CAD: variants seen among roughly 807,000 people sequenced by gnomAD.
CAD encodes the protein multifunctional protein CAD.
Under a neutral mutation model 237.2 loss-of-function variants are expected in CAD, and 81 were observed. The ratio of observed to expected loss-of-function variants is 0.34; its 90% confidence interval spans 0.29 to 0.41. CAD has a LOEUF of 0.41. Ranked by LOEUF, CAD falls within the 10% of genes least tolerant of loss-of-function variation. The probability of loss-of-function intolerance (pLI) is 1.00; values close to 1 mark genes in which losing one functional copy is unlikely to be tolerated. For missense variants in CAD, 2,181 were observed against 2,951.7 expected (o/e 0.74, Z 6.05); for synonymous variants, 1,196 against 1,162.8 (o/e 1.03, Z -0.58).
chr2:27,232,018 G>A lies in CAD; in HGVS notation c.2439G>A (p.Val813=). The change falls in exon 17 of 44, where the codon GTG becomes GTA. Residue 813 remains valine, a synonymous_variant. Coordinates refer to ENST00000264705, the MANE Select transcript of CAD (RefSeq NM_004341.5). The surrounding 1 kb of genome is among the most constrained non-coding windows in gnomAD (Gnocchi z 4.1). ...CAACAGATAAGCGGATTTTTGTGGT[G>A]GCAGCTGCTTTGTGGGCTGGTTATT... The part of the protein sequence containing the change: ...ETPTDKRIFV[V]AAALWAGYSV... 1 of 1,614,220 alleles carries A rather than the reference G, an allele frequency of 6.2e-7. No individual in the cohort carries two copies. The highest frequency in any genetic ancestry group is 8.5e-7 in the Non-Finnish European group (1 of 1,180,042).
At chr2:27,223,240 G>A (rs1675266191) in intron 6 of CAD, among the ~76,000 whole-genome samples, 2 of 152,136 alleles carry the variant, frequency 1.3e-5, no homozygotes, top group African/African-American at 4.8e-5. Flanking sequence ...AGACCAGCCT[G>A]GCCAACATGG....
At chr2:27,238,724 C>T in intron 31 of CAD, 92 bp downstream of exon 31, 7 of 1,210,656 alleles carry the variant, frequency 5.8e-6, no homozygotes, top group Non-Finnish European at 7.0e-6. Context: ...CCTCAGGACT[C>T]TACTAGGACA....
At chr2:27,231,858 G>C (rs898255940) in intron 16 of CAD, 122 bp from the exon 17 acceptor site, 2 of 1,174,478 alleles carry the variant, frequency 1.7e-6, no homozygotes, top group African/African-American at 3.0e-5. Flanking sequence ...CCAGGTTTTT[G>C]CAGTTACACA....
In CAD at chr2:27,241,466, G is replaced by A. The variant is rs1356713828; in HGVS notation, c.5883+70G>A. 9 of 1,462,226 alleles carry A rather than the reference G, an allele frequency of 6.2e-6. No homozygotes were observed. The highest frequency in any genetic ancestry group is 1.9e-4 in the Middle Eastern group (1 of 5,218). 90.6% of individuals were successfully genotyped at this position (1,462,226 alleles called of 1,614,324 possible). On this transcript the variant is annotated intron_variant, in intron 38 of 43. Coordinates refer to ENST00000264705, the MANE Select transcript of CAD (RefSeq NM_004341.5). This position sits in a 1 kb window ranked among gnomAD's most constrained non-coding sequence, Gnocchi z 4.6. ...TTGGGCCGCATCAGCGCAGGGCCGC[G>A]CAGTGGTCAGAGTGGGTCTTCCTCC...
Position 27,223,761 on chromosome 2 carries a change from G to C in CAD, c.995+13G>C, listed in dbSNP as rs372400770. 8.2e-5 allele frequency: 132 copies of C among 1,612,754 alleles called. No homozygotes were observed. The highest frequency in any genetic ancestry group is 1.1e-4 in the Non-Finnish European group (124 of 1,178,982). ...TGCCTTTCTTCAGGTGAGCCTGGTTGACTGGGTCTGTGAAAATTTGAAGCC... is the reference window on the plus strand; with the variant it reads ...TGCCTTTCTTCAGGTGAGCCTGGTTCACTGGGTCTGTGAAAATTTGAAGCC... On this transcript the variant is annotated intron_variant, in intron 7 of 43. Coordinates refer to ENST00000264705, the MANE Select transcript of CAD (RefSeq NM_004341.5).
Position 27,240,711 on chromosome 2 carries a change from T to C in CAD, c.5594-200T>C. 7.3e-7 allele frequency: 1 copy of C among 1,363,544 alleles called. No individual in the cohort carries two copies. Among genetic ancestry groups the C allele is most frequent in the South Asian group, 1.3e-5 (1 of 75,730 alleles). The allele number at this position is 1,363,544 out of a possible 1,614,324, so 84.5% of individuals were successfully genotyped here. A position where few individuals can be genotyped will look rare whatever the true frequency, so the allele number is the denominator to read the frequency against. ...GAGAGCCCCGGGAGGGCACCACTGC[T>C]CCCATACAACACAGCCCCATGGGAA... On this transcript the variant is annotated intron_variant, in intron 35 of 43. Transcript: ENST00000264705. This position sits in a 1 kb window ranked among gnomAD's most constrained non-coding sequence, Gnocchi z 4.6.
At chr2:27,243,082 T>C in intron 42 of CAD, 109 bp downstream of exon 42, 1 of 1,326,214 alleles carries the variant, frequency 7.5e-7, no homozygotes, top group Non-Finnish European at 1.1e-6. Flanking sequence ...ACTTCACATC[T>C]GTCAATTGCC....
At chr2:27,220,428 C>T (rs1013007233) in intron 2 of CAD, among the ~76,000 whole-genome samples, 7 of 151,754 alleles carry the variant, frequency 4.6e-5, no homozygotes, top group Middle Eastern at 3.2e-3. Flanking sequence ...GTGGGGGGAT[C>T]GCTTGAGCCC....
Position 27,226,329 on chromosome 2 carries a change from A to G in CAD, c.2031+10A>G. 6.2e-7 allele frequency: 1 copy of G among 1,613,198 alleles called. No homozygotes were observed. ...CCCTGAGTCTGAGCAGGTAAGCTCT[A>G]GGCCCTGGAACTGATAGTCTAGTTG... is the stretch of plus-strand genomic sequence containing the variant. On this transcript the variant is annotated intron_variant, in intron 13 of 43. Transcript: ENST00000264705.
Position 27,240,075 on chromosome 2 carries a change from T to C in CAD, c.5497-190T>C. 4.9e-6 allele frequency: 3 copies of C among 612,094 alleles called. No homozygotes were observed. The highest frequency in any genetic ancestry group is 8.6e-6 in the Non-Finnish European group (3 of 349,492). The allele number at this position is 612,094 out of a possible 1,614,324, so 37.9% of individuals were successfully genotyped here. A position where few individuals can be genotyped will look rare whatever the true frequency, so the allele number is the denominator to read the frequency against. On this transcript the variant is annotated intron_variant, in intron 34 of 43. Transcript: ENST00000264705. This position sits in a 1 kb window ranked among gnomAD's most constrained non-coding sequence, Gnocchi z 4.6. ...AGCCAACATGGTGAAACCCCATCTC[T>C]ACTAAAAATAAAAAAATTAGCCAGG...
Position 27,240,662 on chromosome 2 carries a change from G to A in CAD, c.5594-249G>A. Reference sequence around the variant, plus strand: ...TGGTGTGAGTCTGGCCGTTCCTCTTGCCTAGGATGCCTTTGCCAACTGGGA... The same window carrying A: ...TGGTGTGAGTCTGGCCGTTCCTCTTACCTAGGATGCCTTTGCCAACTGGGA... On this transcript the variant is annotated intron_variant, in intron 35 of 43. Coordinates refer to ENST00000264705, the MANE Select transcript of CAD (RefSeq NM_004341.5). The surrounding 1 kb of genome is among the most constrained non-coding windows in gnomAD (Gnocchi z 4.6). 3 of 1,532,658 alleles carry A rather than the reference G, an allele frequency of 2.0e-6. No homozygotes were observed. The highest frequency in any genetic ancestry group is 2.6e-6 in the Non-Finnish European group (3 of 1,133,780). The allele number at this position is 1,532,658 out of a possible 1,614,324, so 94.9% of individuals were successfully genotyped here.
Position 27,226,982 on chromosome 2 carries a change from C to CA in CAD, c.2287+21dup. On this transcript the variant is annotated intron_variant, in intron 15 of 43. Transcript: ENST00000264705. ...GCGTTGGTGAGACTCATGCCCTGGG[C>CA]ACCCCCATGGGGCCCCACCATGACC... The CA allele has an allele frequency of 6.2e-7, 1 of 1,613,260 alleles. No homozygotes were observed.
At chr2:27,230,353 T>C (rs1395978014) in intron 15 of CAD, among the ~76,000 whole-genome samples, 1 of 150,730 alleles carries the variant, frequency 6.6e-6, no homozygotes, top group African/African-American at 2.4e-5. Context: ...AAAACATACC[T>C]ATGAAGGGCC....
chr2:27,230,251 T>C (rs1233868338), intron 15 of CAD, among the ~76,000 whole-genome samples: 1 of 151,816 alleles, frequency 6.6e-6, no homozygotes, highest in Non-Finnish European at 1.5e-5. Context: ...AAGAATTAAG[T>C]TGGTGTTGAT....
rs1439459264 is a variant in CAD at position 27,226,647 on chromosome 2, C to G, written c.2154C>G (p.Leu718=). ...KLALGIPLPE[L]RNSVTGGTAA... ...CATTGGGCATCCCTTTGCCTGAGCT[C>G]AGGTACGAGGATGAGGGAGATATCA... Residue 718 remains leucine (L), a splice_region_variant and synonymous_variant, in exon 14 of 44, where the codon CTC becomes CTG. Coordinates refer to ENST00000264705, the MANE Select transcript of CAD (RefSeq NM_004341.5). 1.2e-6 allele frequency: 2 copies of G among 1,613,926 alleles called. No individual in the cohort carries two copies. Among genetic ancestry groups the G allele is most frequent in the East Asian group, 4.5e-5 (2 of 44,896 alleles).
Position 27,233,175 on chromosome 2 carries a change from G to A in CAD, c.2991+35G>A, listed in dbSNP as rs779336189. The A allele has an allele frequency of 6.5e-7, 1 of 1,535,036 alleles. No individual in the cohort carries two copies. The highest frequency in any genetic ancestry group is 9.0e-7 in the Non-Finnish European group (1 of 1,108,280). On this transcript the variant is annotated intron_variant, in intron 19 of 43. Transcript: ENST00000264705. The surrounding 1 kb of genome is among the most constrained non-coding windows in gnomAD (Gnocchi z 6.3). ...ATGGAGGCTTCCTGGTAGCTTGAGT[G>A]GCCAGGGTCGAGTAGAACAGCTGGC... is the stretch of plus-strand genomic sequence containing the variant.
chr2:27,217,765 C>A, intron 1 of CAD, 112 bp from the exon 2 acceptor site: 4 of 1,452,916 alleles, frequency 2.8e-6, no homozygotes, highest in Non-Finnish European at 3.7e-6. Context: ...CCATGGGCCC[C>A]AGCGCCATAA....
Position 27,235,233 on chromosome 2 carries a change from C to T in CAD, c.3787-12C>T. Reference sequence around the variant, plus strand: ...ACACCTTGGCCCTCTCTCTTCCCTCCCGCCCCTTTAGGTGCCTCAGTTCTC... The same window carrying T: ...ACACCTTGGCCCTCTCTCTTCCCTCTCGCCCCTTTAGGTGCCTCAGTTCTC... On this transcript the variant is annotated splice_polypyrimidine_tract_variant and intron_variant, in intron 23 of 43. Transcript: ENST00000264705. The surrounding 1 kb of genome is among the most constrained non-coding windows in gnomAD (Gnocchi z 5.2). 3.1e-6 allele frequency: 5 copies of T among 1,594,600 alleles called. No homozygotes were observed. Among genetic ancestry groups the T allele is most frequent in the African/African-American group, 1.3e-5 (1 of 74,644 alleles).
chr2:27,222,045 A>T lies in CAD; in HGVS notation c.353-149A>T, dbSNP rs567689773. ...TTTGGCAGGAATACTTCATGGTAGT[A>T]TACTTCTGTCACAATGGCCCAGGAT... is the stretch of plus-strand genomic sequence containing the variant. On this transcript the variant is annotated intron_variant, in intron 3 of 43. Coordinates refer to ENST00000264705, the MANE Select transcript of CAD (RefSeq NM_004341.5). The T allele has an allele frequency of 1.0e-5, 7 of 691,710 alleles. No homozygotes were observed. The South Asian group carries it at 1.2e-4, about 12-fold the overall frequency. The allele number at this position is 691,710 out of a possible 1,614,324, so 42.8% of individuals were successfully genotyped here.
Sources: gnomAD v4.1 joint callset for allele counts (sites outside exome capture counted in the v4.1 genomes callset) on GRCh38, gnomAD v4.1.1 for gene constraint, Gnocchi (gnomAD v3.1) non-coding constraint, MANE v1.5 for transcripts, NCBI Gene and HGNC (gene_info 2026-07-23, HGNC 2026-07-21) for gene names.